Variants in NKAIN3 observed in about 807,000 individuals in gnomAD.
NKAIN3 encodes the protein sodium/potassium transporting ATPase interacting 3.
A neutral mutation model predicts 30.2 loss-of-function variants in NKAIN3; 25 were observed. That is an observed-to-expected ratio of 0.83 (90% CI 0.60 to 1.16). NKAIN3 has a LOEUF of 1.16. Ranked by LOEUF, NKAIN3 falls within the 50% of genes most tolerant of loss-of-function variation. The pLI, the probability that NKAIN3 is intolerant of heterozygous loss-of-function variation, is 0.00. For missense variants in NKAIN3, 225 were observed against 254.1 expected (o/e 0.89, Z 0.78); for synonymous variants, 91 against 89.6 (o/e 1.02, Z -0.09).
intron 5 of NKAIN3, among the ~76,000 whole-genome samples, chr8:62,948,401 T>C (rs956618792): frequency 6.6e-6 from 1 of 152,130 alleles, no homozygotes; most frequent in Non-Finnish European, 1.5e-5. Flanking sequence ...TGTTTCACCA[T>C]GTTGGCCAGG....
At chr8:62,605,537 C>A (rs1811098963) in intron 3 of NKAIN3, among the ~76,000 whole-genome samples, 1 of 151,748 alleles carries the variant, frequency 6.6e-6, no homozygotes, top group South Asian at 2.1e-4. Context: ...TACAGTCTGC[C>A]CTCTGAATCT....
chr8:62,929,195 G>A (rs1006302674), intron 5 of NKAIN3, among the ~76,000 whole-genome samples: 1 of 152,174 alleles, frequency 6.6e-6, no homozygotes, highest in East Asian at 1.9e-4. Flanking sequence ...CCAAATGGTC[G>A]AAGAGATGAT....
At chr8:62,386,611 T>C (rs1459826118) in intron 1 of NKAIN3, among the ~76,000 whole-genome samples, 2 of 152,206 alleles carry the variant, frequency 1.3e-5, no homozygotes, top group Non-Finnish European at 2.9e-5. Context: ...TGACAAATCT[T>C]GCTTTACAAC....
intron 4 of NKAIN3, among the ~76,000 whole-genome samples, chr8:62,843,564 A>G (rs1819591533): frequency 6.6e-6 from 1 of 151,918 alleles, no homozygotes; most frequent in Non-Finnish European, 1.5e-5. Context: ...CAAACCCCTG[A>G]CCTCAAGTGA....
chr8:62,279,675 G>A (rs1813100656), intron 1 of NKAIN3, among the ~76,000 whole-genome samples: 1 of 152,184 alleles, frequency 6.6e-6, no homozygotes, highest in South Asian at 2.1e-4. Context: ...TCAAAGATCA[G>A]ATGGCTGTAG....
chr8:62,807,916 T>C (rs1450147966), intron 4 of NKAIN3, among the ~76,000 whole-genome samples: 1 of 151,800 alleles, frequency 6.6e-6, no homozygotes, highest in Non-Finnish European at 1.5e-5. Flanking sequence ...AAAAATAGGC[T>C]ATATGTTTTA....
chr8:62,698,486 A>T (rs150673839), intron 3 of NKAIN3, among the ~76,000 whole-genome samples: 16 of 152,056 alleles, frequency 1.1e-4, no homozygotes, highest in Non-Finnish European at 1.9e-4. Context: ...GAGCACACAC[A>T]CCCTCTCACT....
At chr8:62,581,687 A>G (rs1393481431) in intron 2 of NKAIN3, among the ~76,000 whole-genome samples, 5 of 152,082 alleles carry the variant, frequency 3.3e-5, no homozygotes, top group African/African-American at 9.7e-5. Flanking sequence ...GACCAAACTC[A>G]TATCTAACCA....
intron 1 of NKAIN3, among the ~76,000 whole-genome samples, chr8:62,529,794 A>G (rs1808430391): frequency 2.0e-5 from 3 of 152,186 alleles, no homozygotes; most frequent in Non-Finnish European, 2.9e-5. Flanking sequence ...CTTTCAGAGC[A>G]TTCTGGAGAG....
intron 1 of NKAIN3, among the ~76,000 whole-genome samples, chr8:62,487,809 T>C (rs1806948245): frequency 1.3e-5 from 2 of 152,218 alleles, no homozygotes; most frequent in African/African-American, 4.8e-5. Flanking sequence ...TGTCATTCTT[T>C]CTAACAGCTG....
intron 5 of NKAIN3, among the ~76,000 whole-genome samples, chr8:62,942,590 AG>A (rs1822999651): frequency 6.6e-6 from 1 of 151,966 alleles, no homozygotes; most frequent in Non-Finnish European, 1.5e-5. Context: ...CTAAGCAAAA[AG>A]AACAAATCTG....
At chr8:62,558,132 C>T (rs1422301165) in intron 1 of NKAIN3, among the ~76,000 whole-genome samples, 1 of 152,120 alleles carries the variant, frequency 6.6e-6, no homozygotes, top group African/African-American at 2.4e-5. Context: ...ATGTGGCTTG[C>T]CATTCATCCC....
rs1369550917 is a variant in NKAIN3 at position 62,984,193 on chromosome 8, CAG to C, written c.*18788_*18789del. On this transcript the variant is annotated 3_prime_UTR_variant, in exon 7 of 7. Coordinates refer to ENST00000623646, the MANE Select transcript of NKAIN3 (RefSeq NM_001304533.3). ...AGCCTCTTTTTGTTGCTGTGACTGA[CAG>C]AACTAAAGGGAGTTTGCTCTCACAT... is the stretch of plus-strand genomic sequence containing the variant. 1 of 152,146 alleles carries C rather than the reference CAG, an allele frequency of 6.6e-6. No homozygotes were observed. The highest frequency in any genetic ancestry group is 1.5e-5 in the Non-Finnish European group (1 of 68,030). 9.4% of individuals were successfully genotyped at this position (152,146 alleles called of 1,614,324 possible).
At chr8:62,713,975 T>TATA (rs1814810348) in intron 3 of NKAIN3, among the ~76,000 whole-genome samples, 1 of 152,142 alleles carries the variant, frequency 6.6e-6, no homozygotes, top group African/African-American at 2.4e-5. Flanking sequence ...ATCCAGATAG[T>TATA]ATAATATTTC....
intron 1 of NKAIN3, among the ~76,000 whole-genome samples, chr8:62,547,445 TTTAAG>T (rs763601571): frequency 6.6e-6 from 1 of 152,200 alleles, no homozygotes; most frequent in Non-Finnish European, 1.5e-5. Context: ...CTTATGGTGT[TTTAAG>T]TTGACTGTCA....
At chr8:62,589,655 A>G (rs1810588935) in intron 2 of NKAIN3, 59 bp from the exon 3 acceptor site, 5 of 713,902 alleles carry the variant, frequency 7.0e-6, no homozygotes, top group Non-Finnish European at 1.2e-5. Context: ...TTTATTTGAT[A>G]TACATGCCTT....
chr8:62,985,924 A>G (rs1824190935), downstream of NKAIN3, among the ~76,000 whole-genome samples: 4 of 152,212 alleles, frequency 2.6e-5, no homozygotes, highest in African/African-American at 9.7e-5. Context: ...AAAAATTCAT[A>G]CTTTTTTTTC....
intron 1 of NKAIN3, among the ~76,000 whole-genome samples, chr8:62,534,971 A>G: frequency 6.6e-6 from 1 of 151,578 alleles, no homozygotes. Context: ...AAATAACTCT[A>G]TCCATTGCAG....
chr8:62,898,490 T>C (rs953248054), intron 4 of NKAIN3, among the ~76,000 whole-genome samples: 1 of 152,144 alleles, frequency 6.6e-6, no homozygotes, highest in Non-Finnish European at 1.5e-5. Context: ...TTCTCACTTA[T>C]AAGTGGGAGC....
Sources: allele counts gnomAD v4.1 joint callset (sites outside exome capture counted in the v4.1 genomes callset), GRCh38; gene constraint gnomAD v4.1.1; transcripts MANE v1.5; gene names NCBI Gene and HGNC (gene_info 2026-07-23, HGNC 2026-07-21).